The following HTR1E variants were observed in gnomAD, a reference collection of about 807,000 sequenced individuals.
HTR1E encodes the protein 5-hydroxytryptamine receptor 1E.
Under a neutral mutation model 3.4 loss-of-function variants are expected in HTR1E, and 3 were observed. That is an observed-to-expected ratio of 0.89 (90% CI 0.41 to 2.31). The LOEUF is 2.31. HTR1E is among the 30% of genes most tolerant of loss of function. The probability of loss-of-function intolerance (pLI) is 0.05; values close to 1 mark genes in which losing one functional copy is unlikely to be tolerated. For synonymous variants in HTR1E, 170 were observed against 182.8 expected, an observed-to-expected ratio of 0.93 and a Z score of 0.56; for missense variants, 392 against 467.0, an observed-to-expected ratio of 0.84 and a Z score of 1.48.
chr6:86,972,543 T>C (rs1022317103), intron 1 of HTR1E, among the ~76,000 whole-genome samples: 6 of 152,168 alleles, frequency 3.9e-5, no homozygotes, highest in African/African-American at 1.4e-4. Context: ...GAAATTATAT[T>C]AAAAAATAAA....
chr6:87,015,359 G>C lies in HTR1E; in HGVS notation c.25G>C (p.Glu9Gln). The stretch of plus-strand genomic sequence containing the variant: ...CATGAACATCACAAACTGTACCACA[G>C]AGGCCAGCATGGCTATAAGACCCAA... The part of the protein sequence containing the change: MNITNCTT[E>Q]ASMAIRPKTI... The change falls in exon 2 of 2, where the codon GAG (glutamate) becomes CAG (glutamine). Residue 9 changes from glutamate (E) to glutamine (Q), a missense_variant. Glu to Gln is a conservative substitution (Grantham distance 29, BLOSUM62 2). Around this residue, in one of 3 missense-constraint regions of HTR1E, gnomAD observed 189 missense variants for 258.0 expected, o/e 0.73. Coordinates refer to ENST00000305344, the MANE Select transcript of HTR1E (RefSeq NM_000865.3). 6.3e-7 allele frequency: 1 copy of C among 1,580,460 alleles called. No individual in the cohort carries two copies. Among genetic ancestry groups the C allele is most frequent in the Non-Finnish European group, 8.6e-7 (1 of 1,159,284 alleles).
At chr6:87,010,833 C>G (rs981003053) in intron 1 of HTR1E, among the ~76,000 whole-genome samples, 3 of 151,990 alleles carry the variant, frequency 2.0e-5, no homozygotes, top group African/African-American at 4.8e-5. Context: ...GGGGCCCGTC[C>G]GCTCCTCCAG....
intron 1 of HTR1E, among the ~76,000 whole-genome samples, chr6:86,992,617 A>G (rs10485177): frequency 0.064 from 9,750 of 152,266 alleles, 511 homozygotes; most frequent in East Asian, 0.14. Context: ...TAGATAACAA[A>G]TCCATCAGCA....
intron 1 of HTR1E, among the ~76,000 whole-genome samples, chr6:86,970,180 G>T (rs1767529936): frequency 6.6e-6 from 1 of 152,142 alleles, no homozygotes; most frequent in African/African-American, 2.4e-5. Context: ...TATTCCCAGG[G>T]CTCCATTCCT....
chr6:86,944,085 T>G (rs1365036968), intron 1 of HTR1E, among the ~76,000 whole-genome samples: 1 of 152,224 alleles, frequency 6.6e-6, no homozygotes, highest in African/African-American at 2.4e-5. Context: ...CACATGGACC[T>G]CTCTATAGGG....
At chr6:86,960,134 A>G (rs981723603) in intron 1 of HTR1E, among the ~76,000 whole-genome samples, 1 of 152,224 alleles carries the variant, frequency 6.6e-6, no homozygotes. Flanking sequence ...TGATTTATAA[A>G]GAATAGAAAT....
chr6:87,010,484 C>T (rs1768206363), intron 1 of HTR1E, among the ~76,000 whole-genome samples: 1 of 150,108 alleles, frequency 6.7e-6, no homozygotes, highest in African/African-American at 2.5e-5. Context: ...CTCGGCCGGG[C>T]AGAGGCGCTC....
In HTR1E at chr6:86,978,328, T is replaced by C. The variant is rs561224479; in HGVS notation, c.-185-36822T>C. On this transcript the variant is annotated intron_variant, in intron 1 of 1. Coordinates refer to ENST00000305344, the MANE Select transcript of HTR1E (RefSeq NM_000865.3). ...TGACACTGTTCTGGCTACTGTTATA[T>C]AGGTAGAGGAGAAATTACATGGCCT... Among the ~76,000 whole-genome samples, 7 of 152,262 alleles carry C rather than the reference T, an allele frequency of 4.6e-5. No individual in the cohort carries two copies. In the South Asian group the frequency reaches 6.2e-4, roughly 14 times the overall value.
At chr6:86,966,427 G>A (rs950526044) in intron 1 of HTR1E, among the ~76,000 whole-genome samples, 2 of 152,174 alleles carry the variant, frequency 1.3e-5, no homozygotes, top group African/African-American at 4.8e-5. Context: ...TACAGGTCCT[G>A]AGCCAAAGTG....
intron 1 of HTR1E, among the ~76,000 whole-genome samples, 189 bp from the exon 2 acceptor site, chr6:87,014,961 A>G (rs1405719372): frequency 6.6e-6 from 1 of 152,228 alleles, no homozygotes; most frequent in South Asian, 2.1e-4. Flanking sequence ...AATTTAAAAA[A>G]AAACAGTTTG....
intron 1 of HTR1E, among the ~76,000 whole-genome samples, chr6:86,986,230 A>G (rs902248923): frequency 8.5e-5 from 13 of 152,146 alleles, no homozygotes; most frequent in Admixed American, 2.0e-4. Context: ...GAGGACTGTT[A>G]TTTACTATAT....
chr6:86,947,221 T>C (rs1720242041), intron 1 of HTR1E, among the ~76,000 whole-genome samples: 1 of 152,172 alleles, frequency 6.6e-6, no homozygotes, highest in African/African-American at 2.4e-5. Context: ...ATAATTATCC[T>C]CATTATTTTA....
At chr6:86,950,945 CT>C (rs1366001043) in intron 1 of HTR1E, among the ~76,000 whole-genome samples, 1 of 152,180 alleles carries the variant, frequency 6.6e-6, no homozygotes, top group Non-Finnish European at 1.5e-5. Context: ...AGGTGATCAT[CT>C]TCTCTAATAA....
At chr6:86,985,877 G>C (rs1374007762) in intron 1 of HTR1E, among the ~76,000 whole-genome samples, 4 of 152,192 alleles carry the variant, frequency 2.6e-5, no homozygotes, top group African/African-American at 9.7e-5. Flanking sequence ...AATTTTTAAA[G>C]CATATCTTGA....
chr6:86,977,239 C>T (rs1767651241), intron 1 of HTR1E, among the ~76,000 whole-genome samples: 1 of 152,102 alleles, frequency 6.6e-6, no homozygotes. Flanking sequence ...CGTTTGTGTC[C>T]GTGGGTACTC....
At chr6:86,966,871 A>T (rs1327727396) in intron 1 of HTR1E, among the ~76,000 whole-genome samples, 2 of 152,242 alleles carry the variant, frequency 1.3e-5, no homozygotes, top group Non-Finnish European at 2.9e-5. Flanking sequence ...AAAAGATTTA[A>T]AGAATTTTTA....
chr6:86,939,462 T>C (rs1768516531), intron 1 of HTR1E, among the ~76,000 whole-genome samples: 1 of 152,218 alleles, frequency 6.6e-6, no homozygotes, highest in African/African-American at 2.4e-5. Flanking sequence ...CATCATCACC[T>C]GACATGGGCT....
intron 1 of HTR1E, among the ~76,000 whole-genome samples, chr6:86,967,252 CAATTATA>C (rs1767483733): frequency 6.6e-6 from 1 of 152,206 alleles, no homozygotes; most frequent in Admixed American, 6.5e-5. Flanking sequence ...CAACCTATCA[CAATTATA>C]ATGTGGTATT....
chr6:87,011,171 A>G (rs1463355732), intron 1 of HTR1E, among the ~76,000 whole-genome samples: 4 of 152,224 alleles, frequency 2.6e-5, no homozygotes, highest in Non-Finnish European at 5.9e-5. Context: ...ATGTGGAGCC[A>G]GGAAATGCTG....
Sources: gnomAD v4.1 joint callset for allele counts (sites outside exome capture counted in the v4.1 genomes callset) on GRCh38, gnomAD v4.1.1 for gene constraint, gnomAD v4.1.1 regional missense constraint, MANE v1.5 for transcripts, NCBI Gene and HGNC (gene_info 2026-07-23, HGNC 2026-07-21) for gene names.